Variants in RASA2 observed in about 807,000 individuals in gnomAD.
RASA2 encodes RAS p21 protein activator 2, also known as ras GTPase-activating protein 2.
A neutral mutation model predicts 118.2 loss-of-function variants in RASA2; 155 were observed. That is an observed-to-expected ratio of 1.31 (90% CI 1.15 to 1.50). The LOEUF (loss-of-function observed/expected upper bound fraction) is 1.50, where lower values mean the gene tolerates loss of function less well. RASA2 is among the 40% of genes most tolerant of loss of function. The probability of loss-of-function intolerance (pLI) is 0.00; values close to 1 mark genes in which losing one functional copy is unlikely to be tolerated. For synonymous variants in RASA2, 353 were observed against 349.1 expected (o/e 1.01, Z -0.12); for missense variants, 1,016 against 1,009.6 (o/e 1.01, Z -0.09).
chr3:141,512,188 T>C lies in RASA2; in HGVS notation c.159T>C (p.Tyr53=), dbSNP rs908475226. 2 of 1,607,086 alleles carry C rather than the reference T, an allele frequency of 1.2e-6. No individual in the cohort carries two copies. Among genetic ancestry groups the C allele is most frequent in the South Asian group, 2.3e-5 (2 of 88,820 alleles). Reference sequence around the variant, plus strand: ...GTGAAGCAAAAAATTTATTGCCATATCTTGGACCCCACAAAATGAGAGATT... The same window carrying C: ...GTGAAGCAAAAAATTTATTGCCATACCTTGGACCCCACAAAATGAGAGATT... ...KICEAKNLLP[Y]LGPHKMRDCF... Residue 53 remains tyrosine, a synonymous_variant, in exon 2 of 24, where the codon TAT becomes TAC. Transcript: ENST00000286364.
chr3:141,574,506 A>C (rs549942797), intron 14 of RASA2, among the ~76,000 whole-genome samples: 1 of 152,256 alleles, frequency 6.6e-6, no homozygotes, highest in East Asian at 1.9e-4. Context: ...TTTTAAGTAC[A>C]ACCTTCTTTA....
Position 141,614,977 on chromosome 3 carries a change from G to A in RASA2, c.*2664G>A, listed in dbSNP as rs2083706788. 1 of 152,072 alleles carries A rather than the reference G, an allele frequency of 6.6e-6. No individual in the cohort carries two copies. Among genetic ancestry groups the A allele is most frequent in the African/African-American group, 2.4e-5 (1 of 41,402 alleles). 9.4% of individuals were successfully genotyped at this position (152,072 alleles called of 1,614,324 possible). On this transcript the variant is annotated 3_prime_UTR_variant, in exon 24 of 24. Transcript: ENST00000286364. ...AAACAGATCTTTTTCTTAAGTGAAA[G>A]CACCTTTAATTTGCTCTAACGGTAC...
intron 14 of RASA2, 70 bp from the exon 15 acceptor site, chr3:141,576,930 A>G: frequency 9.5e-7 from 1 of 1,049,164 alleles, no homozygotes; most frequent in Admixed American, 2.3e-5. Flanking sequence ...TCTTTTCTAT[A>G]TTTTTTAATT....
Position 141,571,558 on chromosome 3 carries a change from A to C in RASA2, c.1169+4A>C. On this transcript the variant is annotated splice_donor_region_variant and intron_variant, in intron 11 of 23. Coordinates refer to ENST00000286364, the MANE Select transcript of RASA2 (RefSeq NM_006506.5). ...AATTAGACTTGAAGGATACACAGTA[A>C]GAGTTATATTTTATTAAATGTTAAT... 6.3e-7 allele frequency: 1 copy of C among 1,592,382 alleles called. No individual in the cohort carries two copies. The highest frequency in any genetic ancestry group is 8.5e-7 in the Non-Finnish European group (1 of 1,170,466).
At chr3:141,494,798 G>A (rs2081680785) in intron 1 of RASA2, among the ~76,000 whole-genome samples, 1 of 151,948 alleles carries the variant, frequency 6.6e-6, no homozygotes, top group South Asian at 2.1e-4. Flanking sequence ...TTTCTGGTGA[G>A]TTACAGTCTT....
chr3:141,553,922 C>G lies in RASA2; in HGVS notation c.593C>G (p.Ser198Cys). 6.2e-7 allele frequency: 1 copy of G among 1,611,868 alleles called. No homozygotes were observed. The highest frequency in any genetic ancestry group is 1.1e-5 in the South Asian group (1 of 90,716). ...AGCTGTGACCCTTATGCAACAGTTTCTCTAGTGGGCCCTTCTAGGTAATAT... is the reference window on the plus strand; with the variant it reads ...AGCTGTGACCCTTATGCAACAGTTTGTCTAGTGGGCCCTTCTAGGTAATAT... The part of the protein sequence containing the change: ...GQSCDPYATV[S>C]LVGPSRNDQK... Residue 198 changes from serine to cysteine, a missense_variant, in exon 6 of 24, where the codon TCT becomes TGT. Physicochemically the swap from Ser to Cys is moderately radical, Grantham distance 112. This residue lies in a region of RASA2 where 896 missense variants were observed against 836.4 expected (regional missense o/e 1.07). Transcript: ENST00000286364.
chr3:141,489,241 G>A (rs1327239795), intron 1 of RASA2, among the ~76,000 whole-genome samples: 1 of 151,738 alleles, frequency 6.6e-6, no homozygotes, highest in African/African-American at 2.4e-5. Flanking sequence ...AAAAAAAAAT[G>A]TATTTGTATA....
At chr3:141,549,520 A>G (rs74632677) in intron 5 of RASA2, among the ~76,000 whole-genome samples, 3,380 of 142,752 alleles carry the variant, frequency 0.024, 136 homozygotes, top group African/African-American at 0.085. Context: ...TGTGTTTGCA[A>G]TTCTCCAGTC....
intron 19 of RASA2, among the ~76,000 whole-genome samples, chr3:141,596,673 A>G (rs181138721): frequency 6.6e-6 from 1 of 152,360 alleles, no homozygotes; most frequent in African/African-American, 2.4e-5. Flanking sequence ...AGATTATACA[A>G]GTGGATAATA....
At chr3:141,581,524 C>T (rs964851056) in intron 17 of RASA2, among the ~76,000 whole-genome samples, 2 of 152,100 alleles carry the variant, frequency 1.3e-5, no homozygotes, top group Non-Finnish European at 2.9e-5. Context: ...AGCAGCATGC[C>T]TGGCCTCTAC....
rs1194935473 is a variant in RASA2 at position 141,580,396 on chromosome 3, T to A, written c.1619T>A (p.Leu540His). The part of the protein sequence containing the change: ...PDAQTIRTLT[L>H]ISKTIQTLGS... ...GCACAGACAATTAGAACATTAACTC[T>A]CATCTCAAAAACTATACAAACTTTG... The change falls in exon 16 of 24, where the codon CTC becomes CAC. Residue 540 changes from leucine to histidine, a missense_variant. This residue lies in a region of RASA2 where 896 missense variants were observed against 836.4 expected (regional missense o/e 1.07). Coordinates refer to ENST00000286364, the MANE Select transcript of RASA2 (RefSeq NM_006506.5). 1 of 1,609,572 alleles carries A rather than the reference T, an allele frequency of 6.2e-7. No individual in the cohort carries two copies. Among genetic ancestry groups the A allele is most frequent in the East Asian group, 2.2e-5 (1 of 44,748 alleles).
intron 13 of RASA2, among the ~76,000 whole-genome samples, chr3:141,573,709 GT>G (rs765261668): frequency 6.6e-6 from 1 of 152,042 alleles, no homozygotes; most frequent in African/African-American, 2.4e-5. Context: ...TTCTTGTGAG[GT>G]TTATTCATAG....
At chr3:141,514,066 TA>T (rs1195652122) in intron 2 of RASA2, among the ~76,000 whole-genome samples, 1 of 152,190 alleles carries the variant, frequency 6.6e-6, no homozygotes, top group Non-Finnish European at 1.5e-5. Flanking sequence ...TGAAAATTGG[TA>T]AATTAGATTT....
chr3:141,495,153 C>T (rs917364424), intron 1 of RASA2, among the ~76,000 whole-genome samples: 3 of 152,156 alleles, frequency 2.0e-5, no homozygotes, highest in African/African-American at 7.2e-5. Context: ...GCACTTTATG[C>T]GTATTAACTA....
At chr3:141,600,516 G>A (rs2083447013) in intron 19 of RASA2, 2 of 314,518 alleles carry the variant, frequency 6.4e-6, no homozygotes, top group South Asian at 5.8e-5. Context: ...AGGTGGCCAT[G>A]TCATCGTAGT....
rs1049202442 is a variant in RASA2 at position 141,613,062 on chromosome 3, T to C, written c.*749T>C. 1 of 152,210 alleles carries C rather than the reference T, an allele frequency of 6.6e-6. No individual in the cohort carries two copies. Among genetic ancestry groups the C allele is most frequent in the African/African-American group, 2.4e-5 (1 of 41,460 alleles). The allele number at this position is 152,210 out of a possible 1,614,324, so 9.4% of individuals were successfully genotyped here. A position where few individuals can be genotyped will look rare whatever the true frequency, so the allele number is the denominator to read the frequency against. ...AATACCAGGTACTCATTTTCTTGAT[T>C]TGAAAGTTTAACATGACTTCTAAGG... On this transcript the variant is annotated 3_prime_UTR_variant, in exon 24 of 24. Coordinates refer to ENST00000286364, the MANE Select transcript of RASA2 (RefSeq NM_006506.5).
intron 19 of RASA2, among the ~76,000 whole-genome samples, chr3:141,606,958 G>A (rs1190536452): frequency 6.6e-6 from 1 of 152,160 alleles, no homozygotes; most frequent in Admixed American, 6.6e-5. Context: ...CTATGACTAT[G>A]TGAGATATAA....
At chr3:141,510,348 T>C (rs1462046219) in intron 1 of RASA2, among the ~76,000 whole-genome samples, 2 of 152,196 alleles carry the variant, frequency 1.3e-5, no homozygotes, top group Non-Finnish European at 2.9e-5. Context: ...TGTATGTCCT[T>C]TGAGCTAGAG....
In RASA2 at chr3:141,586,749, C is replaced by T; in HGVS notation, c.1930C>T (p.Pro644Ser). The T allele has an allele frequency of 6.2e-7, 1 of 1,607,206 alleles. No individual in the cohort carries two copies. The highest frequency in any genetic ancestry group is 1.1e-5 in the South Asian group (1 of 90,852). ...CAGAGAGCTCACCTACCACAAACAGCCAGGTAGTTGTGTTTATGCTTTATT... is the reference window on the plus strand; with the variant it reads ...CAGAGAGCTCACCTACCACAAACAGTCAGGTAGTTGTGTTTATGCTTTATT... ...TSRELTYHKQPGKDAIYTIPV... is the reference protein window; with the variant it reads ...TSRELTYHKQSGKDAIYTIPV... The change falls in exon 19 of 24, where the codon CCA (proline) becomes TCA (serine). Residue 644 changes from proline (P) to serine (S), a missense_variant. This residue lies in a region of RASA2 where 896 missense variants were observed against 836.4 expected (regional missense o/e 1.07). Coordinates refer to ENST00000286364, the MANE Select transcript of RASA2 (RefSeq NM_006506.5).
Sources: gnomAD v4.1 joint callset for allele counts (sites outside exome capture counted in the v4.1 genomes callset) on GRCh38, gnomAD v4.1.1 for gene constraint, gnomAD v4.1.1 regional missense constraint, MANE v1.5 for transcripts, NCBI Gene and HGNC (gene_info 2026-07-23, HGNC 2026-07-21) for gene names.